The following CRPPA variants were observed in gnomAD, a reference collection of about 807,000 sequenced individuals.
CRPPA encodes D-ribitol-5-phosphate cytidylyltransferase.
CRPPA carries 43 observed loss-of-function variants against 52.0 expected under a neutral mutation model. That is an observed-to-expected ratio of 0.83 (90% CI 0.65 to 1.07). CRPPA has a LOEUF of 1.07. Among genes scored for constraint, CRPPA ranks in the 50% least tolerant of loss-of-function variants. The pLI is 0.00. For missense variants in CRPPA, 629 were observed against 551.7 expected, an observed-to-expected ratio of 1.14 and a Z score of -1.40; for synonymous variants, 250 against 203.5, an observed-to-expected ratio of 1.23 and a Z score of -1.94.
chr7:16,283,550 A>ATG (rs1366874384), intron 5 of CRPPA, among the ~76,000 whole-genome samples: 7 of 150,910 alleles, frequency 4.6e-5, no homozygotes, highest in Non-Finnish European at 8.9e-5. Flanking sequence ...GATATACTAT[A>ATG]TATGTGTGTG....
chr7:16,158,796 C>G (rs988820029), intron 9 of CRPPA, among the ~76,000 whole-genome samples: 1 of 152,168 alleles, frequency 6.6e-6, no homozygotes, highest in African/African-American at 2.4e-5. Flanking sequence ...TTCTCCATAA[C>G]AGTAAAGGGT....
intron 5 of CRPPA, among the ~76,000 whole-genome samples, chr7:16,281,318 T>C (rs1344395257): frequency 1.3e-5 from 2 of 152,218 alleles, no homozygotes; most frequent in Admixed American, 6.5e-5. Context: ...CACTTATAAA[T>C]TGATTTTTAA....
intron 9 of CRPPA, among the ~76,000 whole-genome samples, chr7:16,137,305 T>C (rs1004713773): frequency 1.3e-5 from 2 of 152,242 alleles, no homozygotes; most frequent in South Asian, 2.1e-4. Flanking sequence ...GTGCTTGACC[T>C]TGAACTTCCC....
intron 2 of CRPPA, among the ~76,000 whole-genome samples, chr7:16,379,991 T>A (rs1787031317): frequency 6.6e-6 from 1 of 151,866 alleles, no homozygotes; most frequent in Non-Finnish European, 1.5e-5. Flanking sequence ...TTCCTTCTCC[T>A]GCCTAATTGC....
chr7:16,241,946 C>CTTTT (rs71549979), intron 8 of CRPPA, among the ~76,000 whole-genome samples: 1,241 of 55,190 alleles, frequency 0.022, 71 homozygotes, highest in Non-Finnish European at 0.025. Context: ...AAAATCTATT[C>CTTTT]TTTTTTTTTT....
chr7:16,327,599 C>CAAA (rs71007762), intron 3 of CRPPA, among the ~76,000 whole-genome samples: 2 of 70,086 alleles, frequency 2.9e-5, no homozygotes, highest in African/African-American at 5.9e-5. Flanking sequence ...GACTCCGTCT[C>CAAA]AAAAAAAAAA....
At chr7:16,386,481 GTCT>G (rs1196421921) in intron 2 of CRPPA, among the ~76,000 whole-genome samples, 1 of 152,130 alleles carries the variant, frequency 6.6e-6, no homozygotes, top group Non-Finnish European at 1.5e-5. Flanking sequence ...CCAGTGAACT[GTCT>G]TCTTCTACCC....
At chr7:16,148,696 G>A (rs1452331998) in intron 9 of CRPPA, among the ~76,000 whole-genome samples, 1 of 152,080 alleles carries the variant, frequency 6.6e-6, no homozygotes, top group African/African-American at 2.4e-5. Flanking sequence ...ACAACTAGAT[G>A]GGAGAATGAG....
intron 4 of CRPPA, among the ~76,000 whole-genome samples, chr7:16,308,315 C>A (rs1051923116): frequency 5.9e-5 from 9 of 152,132 alleles, no homozygotes; most frequent in Non-Finnish European, 1.3e-4. Flanking sequence ...ACCAATCTCA[C>A]AGGTTAAAAT....
chr7:16,388,356 T>G (rs1037442186), intron 2 of CRPPA, among the ~76,000 whole-genome samples: 2 of 151,746 alleles, frequency 1.3e-5, no homozygotes, highest in Admixed American at 1.3e-4. Flanking sequence ...TACTTTTAAA[T>G]GAAAACACAA....
At chr7:16,355,518 G>C (rs983941821) in intron 3 of CRPPA, among the ~76,000 whole-genome samples, 4 of 152,080 alleles carry the variant, frequency 2.6e-5, no homozygotes, top group Non-Finnish European at 5.9e-5. Context: ...GTCTCTACTC[G>C]ATGCTTTCTG....
chr7:16,244,751 T>A (rs1783222283), intron 8 of CRPPA, among the ~76,000 whole-genome samples: 1 of 152,184 alleles, frequency 6.6e-6, no homozygotes, highest in Non-Finnish European at 1.5e-5. Flanking sequence ...CTTGGCTACT[T>A]CAGATGGACT....
At chr7:16,308,830 A>G (rs1158908689) in intron 3 of CRPPA, among the ~76,000 whole-genome samples, 1 of 152,222 alleles carries the variant, frequency 6.6e-6, no homozygotes, top group East Asian at 1.9e-4. Flanking sequence ...ACGTGAAGCA[A>G]AACAAATAGT....
chr7:16,189,710 G>A (rs1050092441), intron 9 of CRPPA, among the ~76,000 whole-genome samples: 8 of 152,162 alleles, frequency 5.3e-5, no homozygotes, highest in African/African-American at 1.9e-4. Flanking sequence ...TTGTGAATGT[G>A]TATTTAGTTA....
At chr7:16,313,893 C>T (rs76480211) in intron 3 of CRPPA, among the ~76,000 whole-genome samples, 12,919 of 151,792 alleles carry the variant, frequency 0.085, 958 homozygotes, top group African/African-American at 0.2. Context: ...GTTCTTTTAA[C>T]TTTGTTAAGG....
chr7:16,200,563 G>A (rs956449183), intron 9 of CRPPA, among the ~76,000 whole-genome samples: 1 of 152,164 alleles, frequency 6.6e-6, no homozygotes, highest in Non-Finnish European at 1.5e-5. Flanking sequence ...AATATATGTT[G>A]CTGCCTAATT....
At chr7:16,337,719 C>A (rs978659942) in intron 3 of CRPPA, among the ~76,000 whole-genome samples, 15 of 152,014 alleles carry the variant, frequency 9.9e-5, no homozygotes, top group Non-Finnish European at 1.9e-4. Flanking sequence ...TACAAAGGAT[C>A]ATAAAAGATT....
chr7:16,407,761 A>AGAG (rs1787989041), intron 1 of CRPPA, among the ~76,000 whole-genome samples: 1 of 152,174 alleles, frequency 6.6e-6, no homozygotes, highest in South Asian at 2.1e-4. Context: ...TATAGGTGAT[A>AGAG]CTGCCTTTTC....
chr7:16,369,377 CAT>C (rs1207273550), intron 3 of CRPPA, among the ~76,000 whole-genome samples: 4 of 152,164 alleles, frequency 2.6e-5, no homozygotes, highest in African/African-American at 9.7e-5. Context: ...CTATGAATAA[CAT>C]TGGTTTCTAA....
Sources: gnomAD v4.1 joint callset for allele counts (sites outside exome capture counted in the v4.1 genomes callset) on GRCh38, gnomAD v4.1.1 for gene constraint, MANE v1.5 for transcripts, NCBI Gene and HGNC (gene_info 2026-07-23, HGNC 2026-07-21) for gene names.